COA1: variants seen among roughly 807,000 people sequenced by gnomAD.
COA1 encodes the protein cytochrome c oxidase assembly factor 1, also known as cytochrome c oxidase assembly factor 1 homolog.
COA1 carries 13 observed loss-of-function variants against 16.0 expected under a neutral mutation model. The observed-to-expected ratio is 0.81, with a 90% CI of 0.53 to 1.29. COA1 has a LOEUF of 1.29. COA1 is among the 50% of genes most tolerant of loss of function. The probability of loss-of-function intolerance (pLI) is 0.00; values close to 1 mark genes in which losing one functional copy is unlikely to be tolerated. For missense variants in COA1, 179 were observed against 177.0 expected (o/e 1.01, Z -0.06); for synonymous variants, 65 against 65.7 (o/e 0.99, Z 0.05).
At chr7:43,727,618 C>G (rs754682877) in intron 1 of COA1, among the ~76,000 whole-genome samples, 6 of 152,204 alleles carry the variant, frequency 3.9e-5, no homozygotes, top group Non-Finnish European at 8.8e-5. Flanking sequence ...AGACCACATG[C>G]TGTATGATTT....
intron 6 of COA1, among the ~76,000 whole-genome samples, chr7:43,613,115 A>G (rs750993963): frequency 1.2e-4 from 18 of 152,158 alleles, no homozygotes; most frequent in Non-Finnish European, 2.4e-4. Context: ...TGGTCTTAAA[A>G]TCTATTGCTC....
chr7:43,652,517 A>C (rs1430335689), intron 1 of COA1, among the ~76,000 whole-genome samples: 2 of 152,214 alleles, frequency 1.3e-5, no homozygotes, highest in Admixed American at 1.3e-4. Context: ...TCCCTATCAG[A>C]ACTATTACAT....
chr7:43,641,226 C>T (rs1264332524), intron 4 of COA1, among the ~76,000 whole-genome samples: 4 of 150,190 alleles, frequency 2.7e-5, no homozygotes, highest in African/African-American at 7.4e-5. Context: ...ATCTAGATAA[C>T]GGCTTGAGTG....
intron 4 of COA1, among the ~76,000 whole-genome samples, chr7:43,641,266 T>C (rs1389202367): frequency 6.9e-6 from 1 of 144,558 alleles, no homozygotes; most frequent in Non-Finnish European, 1.5e-5. Context: ...TTAAAACTCA[T>C]CAGATAGGAC....
At chr7:43,714,035 CA>C (rs1563461893) in intron 1 of COA1, among the ~76,000 whole-genome samples, 1 of 149,916 alleles carries the variant, frequency 6.7e-6, no homozygotes, top group Non-Finnish European at 1.5e-5. Flanking sequence ...ACACAGATGG[CA>C]GGAAAAAAAA....
chr7:43,618,366 G>A (rs367790851), intron 6 of COA1, among the ~76,000 whole-genome samples: 2 of 152,178 alleles, frequency 1.3e-5, no homozygotes, highest in African/African-American at 2.4e-5. Context: ...AAGGCAGTAC[G>A]TGTGTAAAGG....
At chr7:43,647,312 G>A (rs1191484438) in intron 3 of COA1, 3 of 561,780 alleles carry the variant, frequency 5.3e-6, no homozygotes, top group Non-Finnish European at 9.5e-6. Flanking sequence ...GGCTTCTTAT[G>A]CATATTAGTC....
chr7:43,618,071 A>T (rs2083508059), intron 6 of COA1, among the ~76,000 whole-genome samples: 1 of 152,222 alleles, frequency 6.6e-6, no homozygotes, highest in East Asian at 1.9e-4. Context: ...GGAGGGGCAG[A>T]ATATGAATGG....
At chr7:43,711,292 T>G (rs1003995922) in intron 1 of COA1, 1 of 152,000 alleles carries the variant, frequency 6.6e-6, no homozygotes, top group South Asian at 2.1e-4. Context: ...AGGGAAATAA[T>G]GTACCCACTT....
chr7:43,624,261 C>G (rs1324611997), intron 6 of COA1, among the ~76,000 whole-genome samples: 2 of 152,112 alleles, frequency 1.3e-5, no homozygotes, highest in African/African-American at 4.8e-5. Context: ...AGATACTTCC[C>G]ATCTGTTCTT....
chr7:43,634,895 G>A (rs1584014822), downstream of COA1, among the ~76,000 whole-genome samples: 1 of 152,178 alleles, frequency 6.6e-6, no homozygotes, highest in Non-Finnish European at 1.5e-5. Flanking sequence ...TTAGGCAAAA[G>A]AAAACCCAGG....
At chr7:43,620,258 A>G (rs1400794182) in intron 6 of COA1, among the ~76,000 whole-genome samples, 1 of 152,238 alleles carries the variant, frequency 6.6e-6, no homozygotes. Context: ...AAAGAAGTCA[A>G]CTATTACTTT....
intron 6 of COA1, chr7:43,623,985 C>A: frequency 2.4e-6 from 2 of 844,288 alleles, no homozygotes; most frequent in Non-Finnish European, 3.2e-6. Flanking sequence ...CTCCTCCAAC[C>A]AAAAATAGTT....
intron 1 of COA1, among the ~76,000 whole-genome samples, chr7:43,722,517 G>GT (rs2095529139): frequency 6.6e-6 from 1 of 152,102 alleles, no homozygotes; most frequent in Non-Finnish European, 1.5e-5. Context: ...CTTGTGCCTC[G>GT]TACCAGCTGC....
At chr7:43,623,466 G>A in intron 6 of COA1, 6 of 866,460 alleles carry the variant, frequency 6.9e-6, no homozygotes, top group South Asian at 3.0e-5. Flanking sequence ...TAGCCCAAAC[G>A]TTGGATAGTG....
intron 6 of COA1, chr7:43,626,546 A>G (rs2084562064): frequency 1.3e-5 from 2 of 152,212 alleles, no homozygotes. Flanking sequence ...ACAGTGATAG[A>G]GTTTTTAATG....
intron 4 of COA1, 22 bp from the exon 5 acceptor site, chr7:43,640,671 AAGG>A: frequency 1.3e-6 from 2 of 1,514,206 alleles, no homozygotes; most frequent in South Asian, 2.3e-5. Flanking sequence ...AAATGACAGA[AAGG>A]AGAGATGTAA....
chr7:43,689,051 A>C (rs1020509550), intron 1 of COA1, among the ~76,000 whole-genome samples: 4 of 152,240 alleles, frequency 2.6e-5, no homozygotes, highest in Non-Finnish European at 5.9e-5. Flanking sequence ...CACGTATTTA[A>C]ATCTTCTCAG....
chr7:43,651,833 CA>C (rs1016783253), intron 1 of COA1, among the ~76,000 whole-genome samples: 3 of 151,922 alleles, frequency 2.0e-5, no homozygotes, highest in Non-Finnish European at 4.4e-5. Context: ...CGAAACTCTA[CA>C]AAAAATACAA....
Sources: gnomAD v4.1 joint callset for allele counts (sites outside exome capture counted in the v4.1 genomes callset) on GRCh38, gnomAD v4.1.1 for gene constraint, MANE v1.5 for transcripts, NCBI Gene and HGNC (gene_info 2026-07-23, HGNC 2026-07-21) for gene names.